The following GHRHR variants were observed in gnomAD, a reference collection of about 807,000 sequenced individuals.
The protein encoded by GHRHR is growth hormone releasing hormone receptor.
In GHRHR, 40 loss-of-function variants were observed where a neutral mutation model predicts 58.3. The ratio of observed to expected loss-of-function variants is 0.69; its 90% CI spans 0.53 to 0.89. The LOEUF (loss-of-function observed/expected upper bound fraction) is 0.89, where lower values mean the gene tolerates loss of function less well. GHRHR is among the 40% of genes least tolerant of loss of function. The pLI is 0.00. For synonymous variants in GHRHR, 249 were observed against 216.6 expected (o/e 1.15, Z -1.31); for missense variants, 551 against 541.3 (o/e 1.02, Z -0.18).
At chr7:30,968,962 G>A in intron 2 of GHRHR, 26 bp downstream of exon 2, 1 of 1,579,006 alleles carries the variant, frequency 6.3e-7, no homozygotes. Flanking sequence ...GGCAGGTGGT[G>A]GCTTCTCTGA....
intron 10 of GHRHR, 74 bp downstream of exon 10, chr7:30,975,942 A>G (rs990042347): frequency 7.0e-6 from 6 of 853,814 alleles, no homozygotes; most frequent in Middle Eastern, 2.2e-4. Context: ...GTCTCATCCA[A>G]TAAGCACTCA....
chr7:30,974,970 G>C lies in GHRHR; in HGVS notation c.813-1G>C. 1.9e-6 allele frequency: 3 copies of C among 1,608,712 alleles called. No individual in the cohort carries two copies. The highest frequency in any genetic ancestry group is 2.2e-5 in the South Asian group (2 of 90,952). On this transcript the variant is annotated splice_acceptor_variant, in intron 8 of 12. Coordinates refer to ENST00000326139, the MANE Select transcript of GHRHR (RefSeq NM_000823.4). LOFTEE classifies it high-confidence loss of function. ...AACGGCCTTCTTTCCTCTCTCCCCA[G>C]GTGCTGGGACCTGGACGACACCTCC...
rs1792607349 is a variant in GHRHR at position 30,977,214 on chromosome 7, A to G, written c.1105-67A>G. 1.7e-5 allele frequency: 24 copies of G among 1,450,648 alleles called. 1 individual carries two copies. The highest frequency in any genetic ancestry group is 2.1e-5 in the Non-Finnish European group (22 of 1,030,808). 89.9% of individuals were successfully genotyped at this position (1,450,648 alleles called of 1,614,324 possible). A position where few individuals can be genotyped will look rare whatever the true frequency, so the allele number is the denominator to read the frequency against. On this transcript the variant is annotated intron_variant, in intron 11 of 12. Transcript: ENST00000326139. ...GGATGAGTAGGGAAAAGGTAGCAGA[A>G]AGACGGTGGACACCTTCAGGCCAGG... is the stretch of plus-strand genomic sequence containing the variant.
In GHRHR at chr7:30,974,137, G is replaced by C; in HGVS notation, c.750G>C (p.Trp250Cys). Residue 250 changes from tryptophan to cysteine, a missense_variant and splice_region_variant, in exon 7 of 13, where the codon TGG becomes TGC. Transcript: ENST00000326139. ...RAFWWLVLAG[W>C]GLPVLFTGTW... ...TCTGGTGGCTGGTTCTCGCTGGCTG[G>C]GGTGAGCACTGAGGGCGGGTTGGGC... is the stretch of plus-strand genomic sequence containing the variant. The C allele has an allele frequency of 6.2e-7, 1 of 1,613,882 alleles. No individual in the cohort carries two copies. The highest frequency in any genetic ancestry group is 8.5e-7 in the Non-Finnish European group (1 of 1,179,870).
intron 6 of GHRHR, among the ~76,000 whole-genome samples, chr7:30,973,616 C>G (rs1238278698): frequency 6.6e-6 from 1 of 152,166 alleles, no homozygotes; most frequent in Non-Finnish European, 1.5e-5. Context: ...TAGGGATTGA[C>G]TTCAGCTCAG....
chr7:30,964,758 C>T (rs1197873776), intron 1 of GHRHR, among the ~76,000 whole-genome samples: 1 of 152,164 alleles, frequency 6.6e-6, no homozygotes, highest in African/African-American at 2.4e-5. Flanking sequence ...CCAAATTGTA[C>T]TCCATGGGCT....
chr7:30,971,275 T>A, intron 5 of GHRHR, 59 bp downstream of exon 5: 1 of 784,756 alleles, frequency 1.3e-6, no homozygotes, highest in Non-Finnish European at 2.2e-6. Flanking sequence ...TCCCAGAGGG[T>A]CAAGTCTGCT....
rs28371562 is a variant in GHRHR, at chr7:30,979,214, G to T, written c.1242G>T (p.Ser414=). The T allele has an allele frequency of 2.5e-6, 4 of 1,613,910 alleles. No individual in the cohort carries two copies. Among genetic ancestry groups the T allele is most frequent in the South Asian group, 1.1e-5 (1 of 91,070 alleles). Residue 414 remains serine (S), a synonymous_variant, in exon 13 of 13, where the codon TCG becomes TCT. Coordinates refer to ENST00000326139, the MANE Select transcript of GHRHR (RefSeq NM_000823.4). ...TRAKWTTPSR[S]AAKVLTSMC ...CTAAGTGGACCACGCCTTCCCGCTC[G>T]GCGGCAAAGGTGCTGACATCTATGT...
At chr7:30,968,771 G>A in intron 1 of GHRHR, 63 bp from the exon 2 acceptor site, 3 of 1,084,384 alleles carry the variant, frequency 2.8e-6, no homozygotes, top group Non-Finnish European at 4.3e-6. Flanking sequence ...CAGGTCATGT[G>A]GACCACAGAG....
intron 1 of GHRHR, among the ~76,000 whole-genome samples, chr7:30,966,810 T>C (rs1405854272): frequency 6.6e-6 from 1 of 152,142 alleles, no homozygotes; most frequent in Non-Finnish European, 1.5e-5. Context: ...ACCCAGCTAA[T>C]TTTTGTATTT....
At chr7:30,965,053 T>C (rs1259808207) in intron 1 of GHRHR, among the ~76,000 whole-genome samples, 1 of 152,218 alleles carries the variant, frequency 6.6e-6, no homozygotes, top group Non-Finnish European at 1.5e-5. Flanking sequence ...TCAGCCTTCC[T>C]GAGTCTTGCT....
chr7:30,975,980 C>T, intron 10 of GHRHR, 112 bp downstream of exon 10: 3 of 736,542 alleles, frequency 4.1e-6, no homozygotes, highest in East Asian at 2.6e-5. Flanking sequence ...TCTTTCTTCC[C>T]TATGTTCCCA....
At position 30,970,319 on chromosome 7, in the gene GHRHR, A is replaced by G. The variant is rs74618606; in HGVS notation, c.366+355A>G. Reference sequence around the variant, plus strand: ...AAGCTCCTTTCCTTCTCTGGCCCTCAGTCTGTGGAGCAGTGTGCATGGTTG... The same window carrying G: ...AAGCTCCTTTCCTTCTCTGGCCCTCGGTCTGTGGAGCAGTGTGCATGGTTG... On this transcript the variant is annotated intron_variant, in intron 4 of 12. Coordinates refer to ENST00000326139, the MANE Select transcript of GHRHR (RefSeq NM_000823.4). Among the ~76,000 whole-genome samples the G allele has an allele frequency of 3.2e-3, 484 of 152,258 alleles. 2 individuals are homozygous for G. The highest frequency in any genetic ancestry group is 0.011 in the African/African-American group (457 of 41,550).
At chr7:30,972,400 C>A (rs553099686) in intron 6 of GHRHR, among the ~76,000 whole-genome samples, 1 of 152,232 alleles carries the variant, frequency 6.6e-6, no homozygotes, top group Non-Finnish European at 1.5e-5. Context: ...CCTCCCTGAG[C>A]ACTCATAGGT....
In GHRHR at chr7:30,976,468, T is replaced by C. The variant is rs750488020; in HGVS notation, c.1014T>C (p.Phe338=). Residue 338 remains phenylalanine (F), a synonymous_variant, in exon 11 of 13, where the codon TTT becomes TTC. Transcript: ENST00000326139. ...CGACACTTTTCCTGATCCCACTCTTTGGAATTCACTACATCATCTTCAACT... is the reference window on the plus strand; with the variant it reads ...CGACACTTTTCCTGATCCCACTCTTCGGAATTCACTACATCATCTTCAACT... ...SKSTLFLIPL[F]GIHYIIFNFL... 6.6e-5 allele frequency: 106 copies of C among 1,613,280 alleles called. No homozygotes were observed. The Admixed American group carries it at 1.7e-3, about 26-fold the overall frequency.
rs34776252 is a variant in GHRHR, at chr7:30,964,423, G to A, written c.57+298G>A. On this transcript the variant is annotated intron_variant, in intron 1 of 12. Coordinates refer to ENST00000326139, the MANE Select transcript of GHRHR (RefSeq NM_000823.4). Reference sequence around the variant, plus strand: ...CCAGGGCCTGGCTGTGCCTCTGGGGGCCACAGAGACTCTGTCTGCCACAAG... The same window carrying A: ...CCAGGGCCTGGCTGTGCCTCTGGGGACCACAGAGACTCTGTCTGCCACAAG... 0.067 allele frequency among the ~76,000 whole-genome samples: 10,222 copies of A among 152,226 alleles called. 651 individuals carry two copies. The highest frequency in any genetic ancestry group is 0.18 in the East Asian group (949 of 5,168).
chr7:30,968,726 G>C (rs2128597121), intron 1 of GHRHR, 108 bp from the exon 2 acceptor site: 3 of 708,656 alleles, frequency 4.2e-6, no homozygotes, highest in Admixed American at 4.0e-5. Context: ...CCTAGGATTA[G>C]GGCACAGATA....
intron 1 of GHRHR, among the ~76,000 whole-genome samples, chr7:30,967,800 T>C (rs1401216565): frequency 6.6e-6 from 1 of 152,152 alleles, no homozygotes; most frequent in South Asian, 2.1e-4. Context: ...TCTCTCTCAC[T>C]TACTAAGCTA....
chr7:30,975,803 T>C lies in GHRHR; in HGVS notation c.909T>C (p.Ile303=). 6.2e-7 allele frequency: 1 copy of C among 1,611,558 alleles called. No homozygotes were observed. Among genetic ancestry groups the C allele is most frequent in the Non-Finnish European group, 8.5e-7 (1 of 1,177,666 alleles). ...TGAACTTTGGGCTTTTTCTCAATAT[T>C]ATCCGCATCCTGGTGAGGAAACTGG... The part of the protein sequence containing the change: ...VGVNFGLFLN[I]IRILVRKLEP... The change falls in exon 10 of 13, where the codon ATT becomes ATC. Residue 303 remains isoleucine, a synonymous_variant. Coordinates refer to ENST00000326139, the MANE Select transcript of GHRHR (RefSeq NM_000823.4).
Sources: gnomAD v4.1 joint callset for allele counts (sites outside exome capture counted in the v4.1 genomes callset) on GRCh38, gnomAD v4.1.1 for gene constraint, MANE v1.5 for transcripts, NCBI Gene and HGNC (gene_info 2026-07-23, HGNC 2026-07-21) for gene names.